The following ZSWIM4 variants were observed in gnomAD, a reference collection of about 807,000 sequenced individuals.
ZSWIM4 encodes zinc finger SWIM domain-containing protein 4.
A neutral mutation model predicts 102.5 loss-of-function variants in ZSWIM4; 62 were observed. That is an observed-to-expected ratio of 0.60 (90% CI 0.49 to 0.75). The LOEUF (loss-of-function observed/expected upper bound fraction) is 0.75, where lower values mean the gene tolerates loss of function less well. Ranked by LOEUF, ZSWIM4 falls within the 30% of genes least tolerant of loss-of-function variation. The probability of loss-of-function intolerance (pLI) is 0.00; values close to 1 mark genes in which losing one functional copy is unlikely to be tolerated. For synonymous variants in ZSWIM4, 652 were observed against 674.5 expected (o/e 0.97, Z 0.52); for missense variants, 1,280 against 1,529.6 (o/e 0.84, Z 2.72).
chr19:13,805,064 G>A lies in ZSWIM4; in HGVS notation c.628G>A (p.Ala210Thr), dbSNP rs777586507. 8.1e-6 allele frequency: 13 copies of A among 1,608,746 alleles called. No individual in the cohort carries two copies. Among genetic ancestry groups the A allele is most frequent in the South Asian group, 1.1e-5 (1 of 91,074 alleles). Reference protein sequence around the residue: ...LQKFVQYLISAHHTEVLPTAQ... With the variant: ...LQKFVQYLISTHHTEVLPTAQ... ...GAAGTTCGTGCAGTACCTCATCAGC[G>A]CCCATCACACTGAGGTGCTGCCCAC... is the stretch of plus-strand genomic sequence containing the variant. The change falls in exon 3 of 14, where the codon GCC (alanine) becomes ACC (threonine). Residue 210 changes from alanine (A) to threonine (T), a missense_variant. Transcript: ENST00000590508.
At position 13,822,361 on chromosome 19, in the gene ZSWIM4, A is replaced by G. The variant is rs1975491129; in HGVS notation, c.2061-985A>G. Among the ~76,000 whole-genome samples, 4 of 152,206 alleles carry G rather than the reference A, an allele frequency of 2.6e-5. 1 individual carries two copies. Among genetic ancestry groups the G allele is most frequent in the Admixed American group, 6.5e-5 (1 of 15,270 alleles). ...CACCTGTTTTCGTACAGCCCATGAG[A>G]TAAGAATGGTTTTTACATTTATAAA... is the stretch of plus-strand genomic sequence containing the variant. On this transcript the variant is annotated intron_variant, in intron 10 of 13. Transcript: ENST00000590508.
At position 13,819,584 on chromosome 19, in the gene ZSWIM4, G is replaced by A. The variant is rs59082791; in HGVS notation, c.2060+92G>A. 2,236 of 1,460,528 alleles carry A rather than the reference G, an allele frequency of 1.5e-3. 27 individuals are homozygous for A. In the African/African-American group the frequency reaches 0.028, roughly 18 times the overall value. The allele number at this position is 1,460,528 out of a possible 1,614,324, so 90.5% of individuals were successfully genotyped here. A position where few individuals can be genotyped will look rare whatever the true frequency, so the allele number is the denominator to read the frequency against. On this transcript the variant is annotated intron_variant, in intron 10 of 13. Transcript: ENST00000590508. ...GCTCAGAGCCCCACCCATCCAGCCTGAACTCACAGCCTAGTTAATTCAGTC... is the reference window on the plus strand; with the variant it reads ...GCTCAGAGCCCCACCCATCCAGCCTAAACTCACAGCCTAGTTAATTCAGTC...
intron 10 of ZSWIM4, 40 bp downstream of exon 10, chr19:13,819,532 G>A: frequency 6.4e-7 from 1 of 1,552,282 alleles, no homozygotes; most frequent in Non-Finnish European, 8.7e-7. Flanking sequence ...GGGGAGCTGG[G>A]GGGAAGAGGG....
At chr19:13,815,726 T>TCC (rs969429604) in intron 7 of ZSWIM4, among the ~76,000 whole-genome samples, 5 of 151,638 alleles carry the variant, frequency 3.3e-5, no homozygotes, top group African/African-American at 1.2e-4. Context: ...CACCTCAGCC[T>TCC]CCCAAAGTGC....
In ZSWIM4 at chr19:13,799,700, C is replaced by A; in HGVS notation, c.154-20C>A. The A allele has an allele frequency of 6.2e-7, 1 of 1,612,856 alleles. No homozygotes were observed. The highest frequency in any genetic ancestry group is 8.5e-7 in the Non-Finnish European group (1 of 1,179,040). On this transcript the variant is annotated intron_variant, in intron 1 of 13. Transcript: ENST00000590508. ...GATTACATCAACCCCAGGCTCCTAA[C>A]CCACTGGCCCTTCCTACAGGTGGAG...
Position 13,831,049 on chromosome 19 carries a change from G to A in ZSWIM4, c.3320G>A (p.Ter1107=). The A allele has an allele frequency of 1.9e-6, 3 of 1,580,130 alleles. No individual in the cohort carries two copies. The South Asian group carries it at 3.5e-5, about 18-fold the overall frequency. Residue 1107 remains the stop codon, a stop_retained_variant, in exon 14 of 14, where the codon TGA becomes TAA. Coordinates refer to ENST00000590508, the MANE Select transcript of ZSWIM4 (RefSeq NM_001367834.3). ...LMLLVRERFG[*] The stretch of plus-strand genomic sequence containing the variant: ...CTTTTGGTGCGGGAGCGTTTTGGTT[G>A]AGGGACAGTGGGGTGCGTGGGAGTG...
At chr19:13,801,826 C>G (rs1974778397) in intron 2 of ZSWIM4, among the ~76,000 whole-genome samples, 1 of 151,768 alleles carries the variant, frequency 6.6e-6, no homozygotes, top group African/African-American at 2.4e-5. Context: ...CACCCGCTAT[C>G]ATGCCTGGCT....
intron 8 of ZSWIM4, 38 bp from the exon 9 acceptor site, chr19:13,817,684 G>A (rs755237292): frequency 3.7e-6 from 6 of 1,601,486 alleles, no homozygotes; most frequent in Non-Finnish European, 5.1e-6. Flanking sequence ...TTAGGGAAGG[G>A]GATCCGTCTC....
At chr19:13,829,773 C>T (rs141848088) in intron 13 of ZSWIM4, among the ~76,000 whole-genome samples, 2,782 of 151,738 alleles carry the variant, frequency 0.018, 83 homozygotes, top group African/African-American at 0.064. Flanking sequence ...TGCAGTGAGC[C>T]GAGATGGTGC....
chr19:13,817,188 G>C, intron 7 of ZSWIM4, 28 bp from the exon 8 acceptor site: 1 of 1,597,228 alleles, frequency 6.3e-7, no homozygotes. Flanking sequence ...AGGTGTGTGG[G>C]CATTGAGCCC....
chr19:13,808,952 G>A lies in ZSWIM4; in HGVS notation c.829G>A (p.Ala277Thr). 2 of 1,609,566 alleles carry A rather than the reference G, an allele frequency of 1.2e-6. No individual in the cohort carries two copies. The highest frequency in any genetic ancestry group is 1.3e-5 in the African/African-American group (1 of 74,988). ...QLLSNGGYYGASQQLRSMFSK... is the reference protein window; with the variant it reads ...QLLSNGGYYGTSQQLRSMFSK... Reference sequence around the variant, plus strand: ...ACTGTCCAATGGCGGCTACTACGGGGCCAGCCAGCAGCTGCGCTCCATGTT... The same window carrying A: ...ACTGTCCAATGGCGGCTACTACGGGACCAGCCAGCAGCTGCGCTCCATGTT... Residue 277 changes from alanine to threonine, a missense_variant, in exon 4 of 14, where the codon GCC becomes ACC. Ala to Thr is a moderately conservative substitution (Grantham distance 58). Coordinates refer to ENST00000590508, the MANE Select transcript of ZSWIM4 (RefSeq NM_001367834.3).
At position 13,814,506 on chromosome 19, in the gene ZSWIM4, T is replaced by C. The variant is rs1479546612; in HGVS notation, c.1181-9T>C. The C allele has an allele frequency of 6.1e-6, 7 of 1,155,002 alleles. No homozygotes were observed. The highest frequency in any genetic ancestry group is 7.6e-6 in the Non-Finnish European group (7 of 919,428). The allele number at this position is 1,155,002 out of a possible 1,614,324, so 71.5% of individuals were successfully genotyped here. A position where few individuals can be genotyped will look rare whatever the true frequency, so the allele number is the denominator to read the frequency against. On this transcript the variant is annotated splice_polypyrimidine_tract_variant and intron_variant, in intron 6 of 13. Coordinates refer to ENST00000590508, the MANE Select transcript of ZSWIM4 (RefSeq NM_001367834.3). ...CCCTCACTGAGCCATGTTGGGTGCC[T>C]CTCTGCAGGCTCGGAGGAAGAGGAA...
chr19:13,817,374 TGGA>T, intron 8 of ZSWIM4, 21 bp downstream of exon 8: 1 of 1,603,850 alleles, frequency 6.2e-7, no homozygotes, highest in Non-Finnish European at 8.5e-7. Context: ...GGGGTACTCT[TGGA>T]GGAGGTGGGA....
chr19:13,808,582 A>C (rs1207233080), intron 3 of ZSWIM4, among the ~76,000 whole-genome samples: 1 of 151,546 alleles, frequency 6.6e-6, no homozygotes, highest in Non-Finnish European at 1.5e-5. Flanking sequence ...CTAAAAATAC[A>C]AAAAAAATTG....
At chr19:13,818,014 G>T (rs1284407415) in intron 9 of ZSWIM4, 38 bp downstream of exon 9, 1 of 1,461,782 alleles carries the variant, frequency 6.8e-7, no homozygotes, top group Non-Finnish European at 9.0e-7. Flanking sequence ...TTGCTGAAGG[G>T]TAGGGTCCAG....
At chr19:13,807,651 T>C (rs1156636107) in intron 3 of ZSWIM4, among the ~76,000 whole-genome samples, 1 of 147,376 alleles carries the variant, frequency 6.8e-6, no homozygotes, top group African/African-American at 2.5e-5. Context: ...ATGGATTGGA[T>C]GGATGACTCA....
chr19:13,801,462 G>C (rs1369434212), intron 2 of ZSWIM4, among the ~76,000 whole-genome samples: 1 of 152,102 alleles, frequency 6.6e-6, no homozygotes, highest in African/African-American at 2.4e-5. Context: ...TTGGGCCAGG[G>C]GTTTAGAGCC....
Position 13,825,424 on chromosome 19 carries a change from T to G in ZSWIM4, c.2216-126T>G. ...GAATCTTCACAGAACCATGGCCCAG[T>G]ACACATCCCTCCACACTCACACATG... On this transcript the variant is annotated intron_variant, in intron 11 of 13. Transcript: ENST00000590508. The surrounding 1 kb of genome is among the most constrained non-coding windows in gnomAD (Gnocchi z 4.6). 1.7e-6 allele frequency: 2 copies of G among 1,161,610 alleles called. No individual in the cohort carries two copies. Among genetic ancestry groups the G allele is most frequent in the South Asian group, 1.4e-5 (1 of 69,966 alleles). 72.0% of individuals were successfully genotyped at this position (1,161,610 alleles called of 1,614,324 possible).
intron 3 of ZSWIM4, among the ~76,000 whole-genome samples, chr19:13,806,484 T>C (rs1483454713): frequency 6.6e-6 from 1 of 151,608 alleles, no homozygotes; most frequent in Non-Finnish European, 1.5e-5. Context: ...CTGGGCAAAA[T>C]AGGGAGACCT....
Sources: allele counts gnomAD v4.1 joint callset (sites outside exome capture counted in the v4.1 genomes callset), GRCh38; gene constraint gnomAD v4.1.1; non-coding constraint Gnocchi (gnomAD v3.1); transcripts MANE v1.5; gene names NCBI Gene and HGNC (gene_info 2026-07-23, HGNC 2026-07-21).